Variants in ADAM10 observed in about 807,000 individuals in gnomAD.
The protein encoded by ADAM10 is disintegrin and metalloproteinase domain-containing protein 10.
ADAM10 carries 17 observed loss-of-function variants against 90.1 expected under a neutral mutation model. The ratio of observed to expected loss-of-function variants is 0.19; its 90% CI spans 0.13 to 0.28. The LOEUF is 0.28. ADAM10 is among the 10% of genes least tolerant of loss of function. The pLI is 1.00. For synonymous variants in ADAM10, 310 were observed against 298.6 expected (o/e 1.04, Z -0.40); for missense variants, 610 against 914.3 (o/e 0.67, Z 4.29).
chr15:58,691,708 G>C (rs1312154997), intron 2 of ADAM10: 2 of 314,752 alleles, frequency 6.4e-6, no homozygotes, highest in East Asian at 8.3e-5. Flanking sequence ...TTTTGAGACA[G>C]AGCCTTCTTC....
At chr15:58,704,555 C>A (rs1898225465) in intron 2 of ADAM10, among the ~76,000 whole-genome samples, 1 of 152,004 alleles carries the variant, frequency 6.6e-6, no homozygotes, top group Non-Finnish European at 1.5e-5. Flanking sequence ...CATTTTACTA[C>A]AATAAAAATA....
intron 2 of ADAM10, among the ~76,000 whole-genome samples, chr15:58,712,158 CAT>C (rs1188829509): frequency 5.9e-5 from 9 of 152,224 alleles, no homozygotes; most frequent in African/African-American, 2.2e-4. Context: ...GATATTCCAA[CAT>C]GTTATATAGA....
intron 2 of ADAM10, among the ~76,000 whole-genome samples, chr15:58,689,343 G>A (rs528052715): frequency 5.9e-5 from 9 of 152,060 alleles, no homozygotes; most frequent in Non-Finnish European, 1.2e-4. Context: ...AAAATTAGCC[G>A]GGCATGGTGG....
At chr15:58,648,437 G>A (rs1332777995) in intron 5 of ADAM10, among the ~76,000 whole-genome samples, 5 of 152,056 alleles carry the variant, frequency 3.3e-5, no homozygotes, top group Non-Finnish European at 5.9e-5. Context: ...ACACAAAAAG[G>A]AATTTATCTT....
chr15:58,646,350 C>T (rs1274235998), intron 5 of ADAM10, 146 bp from the exon 6 acceptor site: 6 of 814,944 alleles, frequency 7.4e-6, no homozygotes, highest in Admixed American at 2.3e-5. Flanking sequence ...TTCATAAAAT[C>T]ACTTTGTCTC....
chr15:58,595,874 C>T lies in ADAM10; in HGVS notation c.*1673G>A, dbSNP rs965819092. On this transcript the variant is annotated 3_prime_UTR_variant, in exon 16 of 16. Transcript: ENST00000260408. ...GATTTAAAAGCAATTACATACATAT[C>T]TACCTACTTGTTTGTTTAGAATTAT... is the stretch of plus-strand genomic sequence containing the variant. The T allele has an allele frequency of 6.6e-6, 1 of 152,088 alleles. No individual in the cohort carries two copies. Among genetic ancestry groups the T allele is most frequent in the African/African-American group, 2.4e-5 (1 of 41,414 alleles). 9.4% of individuals were successfully genotyped at this position (152,088 alleles called of 1,614,324 possible).
At chr15:58,639,591 T>C (rs959636131) in intron 8 of ADAM10, among the ~76,000 whole-genome samples, 23 of 152,114 alleles carry the variant, frequency 1.5e-4, no homozygotes, top group African/African-American at 4.8e-4. Context: ...AAGTACAGAT[T>C]ATCATAAAAG....
chr15:58,719,241 T>A (rs1898764634), intron 1 of ADAM10, among the ~76,000 whole-genome samples: 1 of 152,072 alleles, frequency 6.6e-6, no homozygotes, highest in Non-Finnish European at 1.5e-5. Context: ...GGAGAATCAC[T>A]TGAACCCAGG....
intron 6 of ADAM10, among the ~76,000 whole-genome samples, chr15:58,645,413 T>TACCC (rs1728397843): frequency 6.6e-6 from 1 of 152,220 alleles, no homozygotes; most frequent in Non-Finnish European, 1.5e-5. Context: ...CTCTCAAGGC[T>TACCC]ACCCTTCCCT....
intron 1 of ADAM10, among the ~76,000 whole-genome samples, chr15:58,739,605 C>T (rs938390703): frequency 6.6e-6 from 1 of 151,960 alleles, no homozygotes; most frequent in Non-Finnish European, 1.5e-5. Context: ...TTCTGATTTC[C>T]GAACCAATTT....
In ADAM10 at chr15:58,592,721, A is replaced by G. The variant is rs1894848327; in HGVS notation, c.*4826T>C. The stretch of plus-strand genomic sequence containing the variant: ...CTAATACATTCATGTGGCTGCATAT[A>G]TGTGGATTTCTAAGGATGGGACTCT... On this transcript the variant is annotated 3_prime_UTR_variant, in exon 16 of 16. Transcript: ENST00000260408. 1 of 150,750 alleles carries G rather than the reference A, an allele frequency of 6.6e-6. No individual in the cohort carries two copies. Among genetic ancestry groups the G allele is most frequent in the African/African-American group, 2.4e-5 (1 of 40,970 alleles). The allele number at this position is 150,750 out of a possible 1,614,324, so 9.3% of individuals were successfully genotyped here.
chr15:58,596,598 A>G lies in ADAM10; in HGVS notation c.*949T>C, dbSNP rs1295723607. ...TATTTCAGATATATGAAAAACACAA[A>G]TAAGTAGGCTACAAATAAAAAGAAT... On this transcript the variant is annotated 3_prime_UTR_variant, in exon 16 of 16. Coordinates refer to ENST00000260408, the MANE Select transcript of ADAM10 (RefSeq NM_001110.4). 6.6e-6 allele frequency: 1 copy of G among 152,666 alleles called. No homozygotes were observed. Among genetic ancestry groups the G allele is most frequent in the Non-Finnish European group, 1.5e-5 (1 of 68,038 alleles). 9.5% of individuals were successfully genotyped at this position (152,666 alleles called of 1,614,324 possible).
chr15:58,675,656 A>G (rs185617366), intron 4 of ADAM10, among the ~76,000 whole-genome samples: 1 of 152,336 alleles, frequency 6.6e-6, no homozygotes, highest in Admixed American at 6.5e-5. Context: ...ATAACAATAT[A>G]TATTTATCAC....
chr15:58,715,936 C>A (rs1174118216), intron 2 of ADAM10, among the ~76,000 whole-genome samples: 2 of 152,056 alleles, frequency 1.3e-5, no homozygotes, highest in Admixed American at 1.3e-4. Context: ...ATTAATAATA[C>A]TAAGTATATT....
intron 11 of ADAM10, among the ~76,000 whole-genome samples, chr15:58,619,030 A>G (rs1895701844): frequency 6.6e-6 from 1 of 152,192 alleles, no homozygotes; most frequent in Non-Finnish European, 1.5e-5. Context: ...GTCAGTATAT[A>G]AAAGGGATAC....
intron 12 of ADAM10, 47 bp downstream of exon 12, chr15:58,611,761 A>T: frequency 6.4e-7 from 1 of 1,573,534 alleles, no homozygotes; most frequent in Non-Finnish European, 8.7e-7. Context: ...CTTCTGAAAA[A>T]CAAGTTTTCT....
chr15:58,624,151 T>C (rs556927216), intron 10 of ADAM10, among the ~76,000 whole-genome samples: 1 of 151,820 alleles, frequency 6.6e-6, no homozygotes, highest in African/African-American at 2.4e-5. Context: ...CTAGGCGTGG[T>C]GGCGCACTCC....
chr15:58,694,483 A>C (rs1330660983), intron 2 of ADAM10, among the ~76,000 whole-genome samples: 1 of 152,046 alleles, frequency 6.6e-6, no homozygotes, highest in Non-Finnish European at 1.5e-5. Flanking sequence ...AGGCCAGGCG[A>C]GTTGGCTAGT....
rs1281507200 is a variant in ADAM10, at chr15:58,590,327, A to AT, written c.*7219dup. ...GTACATTTATTCACATGATTATCTG[A>AT]TATCTATCTCACCTACAAGACCATA... is the stretch of plus-strand genomic sequence containing the variant. On this transcript the variant is annotated 3_prime_UTR_variant, in exon 16 of 16. Transcript: ENST00000260408. 1 of 152,216 alleles carries AT rather than the reference A, an allele frequency of 6.6e-6. No homozygotes were observed. Among genetic ancestry groups the AT allele is most frequent in the African/African-American group, 2.4e-5 (1 of 41,440 alleles). The allele number at this position is 152,216 out of a possible 1,614,324, so 9.4% of individuals were successfully genotyped here.
Sources: allele counts gnomAD v4.1 joint callset (sites outside exome capture counted in the v4.1 genomes callset), GRCh38; gene constraint gnomAD v4.1.1; transcripts MANE v1.5; gene names NCBI Gene and HGNC (gene_info 2026-07-23, HGNC 2026-07-21).